The following GLCE variants were observed in gnomAD, a reference collection of about 807,000 sequenced individuals.
GLCE encodes glucuronic acid epimerase.
GLCE carries 19 observed loss-of-function variants against 47.9 expected under a neutral mutation model. The ratio of observed to expected loss-of-function variants is 0.40; its 90% CI spans 0.28 to 0.58. The LOEUF (loss-of-function observed/expected upper bound fraction) is 0.58, where lower values mean the gene tolerates loss of function less well. GLCE is among the 20% of genes least tolerant of loss of function. The pLI is 0.48. For synonymous variants in GLCE, 245 were observed against 263.4 expected (o/e 0.93, Z 0.68); for missense variants, 556 against 743.3 (o/e 0.75, Z 2.93).
intron 2 of GLCE, among the ~76,000 whole-genome samples, chr15:69,245,688 T>G (rs1437164411): frequency 6.6e-6 from 1 of 152,114 alleles, no homozygotes; most frequent in East Asian, 1.9e-4. Flanking sequence ...ATTGACTAAG[T>G]TTATGTGATA....
rs2053133862 is a variant in GLCE, at chr15:69,269,393, CTAAAA to C, written c.*153_*157del. 3.1e-6 allele frequency: 2 copies of C among 647,220 alleles called. No individual in the cohort carries two copies. Among genetic ancestry groups the C allele is most frequent in the Non-Finnish European group, 5.3e-6 (2 of 377,386 alleles). The allele number at this position is 647,220 out of a possible 1,614,324, so 40.1% of individuals were successfully genotyped here. A position where few individuals can be genotyped will look rare whatever the true frequency, so the allele number is the denominator to read the frequency against. On this transcript the variant is annotated 3_prime_UTR_variant, in exon 5 of 5. Coordinates refer to ENST00000261858, the MANE Select transcript of GLCE (RefSeq NM_015554.3). ...ATAAGTGATCCTTAAAACCAGCCTT[CTAAAA>C]TAATTGCATTCCATGGGTTGGGTAT...
In GLCE at chr15:69,270,836, C is replaced by T. The variant is rs945208215; in HGVS notation, c.*1592C>T. On this transcript the variant is annotated 3_prime_UTR_variant, in exon 5 of 5. Transcript: ENST00000261858. Reference sequence around the variant, plus strand: ...TGAACTCCCAATTGATGTGACCACACTCTTCTTAATTTTGTTCACAGTAAA... The same window carrying T: ...TGAACTCCCAATTGATGTGACCACATTCTTCTTAATTTTGTTCACAGTAAA... 2.3e-5 allele frequency: 1 copy of T among 43,632 alleles called. No homozygotes were observed. The highest frequency in any genetic ancestry group is 3.5e-5 in the African/African-American group (1 of 28,954). The allele number at this position is 43,632 out of a possible 1,614,324, so 2.7% of individuals were successfully genotyped here.
intron 2 of GLCE, among the ~76,000 whole-genome samples, chr15:69,224,314 G>T (rs2052416626): frequency 6.6e-6 from 1 of 152,138 alleles, no homozygotes; most frequent in Admixed American, 6.5e-5. Context: ...TAAACTTAAG[G>T]TCTTCCCAGG....
At chr15:69,199,061 T>A (rs969946197) in intron 1 of GLCE, among the ~76,000 whole-genome samples, 1 of 152,144 alleles carries the variant, frequency 6.6e-6, no homozygotes, top group Non-Finnish European at 1.5e-5. Context: ...GTAGTGTACA[T>A]TTGTAAGAGG....
chr15:69,232,717 A>G (rs1474130425), intron 2 of GLCE, among the ~76,000 whole-genome samples: 1 of 152,220 alleles, frequency 6.6e-6, no homozygotes, highest in East Asian at 1.9e-4. Flanking sequence ...TGAGGGGGGA[A>G]TTATATTCAC....
chr15:69,210,543 CTTATA>C (rs2052217408), intron 2 of GLCE, 137 bp downstream of exon 2: 1 of 152,096 alleles, frequency 6.6e-6, no homozygotes, highest in East Asian at 1.9e-4. Flanking sequence ...CATTTTTAGA[CTTATA>C]TTTTAATGTG....
In GLCE at chr15:69,174,183, C is replaced by G. The variant is rs529281416; in HGVS notation, c.-105+13426C>G. On this transcript the variant is annotated intron_variant, in intron 1 of 4. Transcript: ENST00000261858. ...TTAGATGATTTTTAAAAAGTTTATT[C>G]ACAATTCCGAAGGAAACAAGATTTT... 5.3e-4 allele frequency among the ~76,000 whole-genome samples: 80 copies of G among 152,282 alleles called. 1 individual carries two copies. Among genetic ancestry groups the G allele is most frequent in the Non-Finnish European group, 9.7e-4 (66 of 68,034 alleles).
rs1283693753 is a variant in GLCE at position 69,270,168 on chromosome 15, A to C, written c.*924A>C. Reference sequence around the variant, plus strand: ...AGCTAGTAGCTTTAAGGCCACCACCATATTTTACTTTTTTAGGATTTTTCC... The same window carrying C: ...AGCTAGTAGCTTTAAGGCCACCACCCTATTTTACTTTTTTAGGATTTTTCC... On this transcript the variant is annotated 3_prime_UTR_variant, in exon 5 of 5. Coordinates refer to ENST00000261858, the MANE Select transcript of GLCE (RefSeq NM_015554.3). 6.6e-6 allele frequency: 1 copy of C among 151,450 alleles called. No homozygotes were observed. Among genetic ancestry groups the C allele is most frequent in the Non-Finnish European group, 1.5e-5 (1 of 67,816 alleles). 9.4% of individuals were successfully genotyped at this position (151,450 alleles called of 1,614,324 possible). A position where few individuals can be genotyped will look rare whatever the true frequency, so the allele number is the denominator to read the frequency against.
chr15:69,219,697 CTT>C (rs1364687496), intron 2 of GLCE, among the ~76,000 whole-genome samples: 4 of 151,972 alleles, frequency 2.6e-5, no homozygotes, highest in Non-Finnish European at 2.9e-5. Context: ...TTCTGTGATT[CTT>C]TTTTGTTTTC....
intron 4 of GLCE, 26 bp downstream of exon 4, chr15:69,261,355 C>A (rs2140448050): frequency 6.3e-7 from 1 of 1,597,988 alleles, no homozygotes. Flanking sequence ...TATGTGCCTG[C>A]TAATTTTATG....
At position 69,268,979 on chromosome 15, in the gene GLCE, T is replaced by G. The variant is rs906182858; in HGVS notation, c.1589T>G (p.Leu530Arg). 1.5e-5 allele frequency: 24 copies of G among 1,614,034 alleles called. No individual in the cohort carries two copies. The highest frequency in any genetic ancestry group is 1.7e-5 in the Non-Finnish European group (20 of 1,180,042). ...YDLKETAGEKLGKEARSLYER... is the reference protein window; with the variant it reads ...YDLKETAGEKRGKEARSLYER... ...TTAAAAGAAACTGCAGGGGAAAAAC[T>G]CGGAAAAGAAGCAAGGTCCTTGTAT... Residue 530 changes from leucine (L) to arginine (R), a missense_variant, in exon 5 of 5, where the codon CTC (leucine) becomes CGC (arginine). Leu to Arg is a moderately radical substitution (Grantham distance 102, BLOSUM62 -2). Around this residue, in one of 3 missense-constraint regions of GLCE, gnomAD observed 245 missense variants for 368.1 expected, o/e 0.67. Transcript: ENST00000261858.
intron 2 of GLCE, among the ~76,000 whole-genome samples, chr15:69,218,480 G>A (rs773174924): frequency 2.6e-5 from 4 of 152,138 alleles, no homozygotes; most frequent in Non-Finnish European, 5.9e-5. Context: ...AGCCACTGGA[G>A]TGAGACCCAG....
chr15:69,252,219 A>G (rs995797517), intron 2 of GLCE, among the ~76,000 whole-genome samples: 1 of 152,270 alleles, frequency 6.6e-6, no homozygotes. Flanking sequence ...TTGTTCTTGC[A>G]TTGCTGTAAA....
intron 3 of GLCE, among the ~76,000 whole-genome samples, chr15:69,259,209 A>T (rs1364834747): frequency 2.0e-5 from 3 of 152,134 alleles, no homozygotes; most frequent in Non-Finnish European, 4.4e-5. Flanking sequence ...CGAATGTGAT[A>T]AGTGGAGTTT....
chr15:69,165,184 G>GTA (rs2051483760), intron 1 of GLCE, among the ~76,000 whole-genome samples: 1 of 152,090 alleles, frequency 6.6e-6, no homozygotes, highest in Admixed American at 6.6e-5. Flanking sequence ...CATCACCCAG[G>GTA]TATAAAGCCC....
At chr15:69,243,057 C>CAAAA (rs547412078) in intron 2 of GLCE, among the ~76,000 whole-genome samples, 29 of 40,250 alleles carry the variant, frequency 7.2e-4, no homozygotes, top group East Asian at 1.5e-3. Context: ...AGATCCTGTC[C>CAAAA]AAAAAAAAAA....
chr15:69,250,395 C>T (rs1328688704), intron 2 of GLCE, among the ~76,000 whole-genome samples: 2 of 152,068 alleles, frequency 1.3e-5, no homozygotes, highest in Non-Finnish European at 2.9e-5. Context: ...ATCCCCGCCC[C>T]TCTGAAAAAA....
chr15:69,256,287 G>C lies in GLCE; in HGVS notation c.481G>C (p.Val161Leu). 1 of 1,613,946 alleles carries C rather than the reference G, an allele frequency of 6.2e-7. No homozygotes were observed. The highest frequency in any genetic ancestry group is 1.1e-5 in the South Asian group (1 of 91,068). Residue 161 changes from valine to leucine, a missense_variant, in exon 3 of 5, where the codon GTC (valine) becomes CTC (leucine). Val to Leu is a conservative substitution (Grantham distance 32). Transcript: ENST00000261858. Reference protein sequence around the residue: ...RFEFSHSYSKVYAQRAPYHPD... With the variant: ...RFEFSHSYSKLYAQRAPYHPD... ...TGAATTCTCTCATAGCTATTCCAAA[G>C]TCTATGCACAGAGAGCCCCCTATCA...
chr15:69,185,198 G>A (rs1472496445), intron 1 of GLCE, among the ~76,000 whole-genome samples: 1 of 152,158 alleles, frequency 6.6e-6, no homozygotes, highest in Non-Finnish European at 1.5e-5. Context: ...GCCATGTTCA[G>A]AGCTTTCTGT....
Sources: allele counts gnomAD v4.1 joint callset (sites outside exome capture counted in the v4.1 genomes callset), GRCh38; gene constraint gnomAD v4.1.1; regional missense constraint gnomAD v4.1.1; transcripts MANE v1.5; gene names NCBI Gene and HGNC (gene_info 2026-07-23, HGNC 2026-07-21).